The following UGP2 variants were observed in gnomAD, a reference collection of about 807,000 sequenced individuals.
UGP2 encodes the protein UTP--glucose-1-phosphate uridylyltransferase.
A neutral mutation model predicts 49.0 loss-of-function variants in UGP2; 40 were observed. That is an observed-to-expected ratio of 0.82 (90% confidence interval 0.63 to 1.06). The LOEUF (loss-of-function observed/expected upper bound fraction) is 1.06, where lower values mean the gene tolerates loss of function less well. Ranked by LOEUF, UGP2 falls within the 50% of genes least tolerant of loss-of-function variation. UGP2 has a pLI of 0.00. For missense variants in UGP2, 460 were observed against 603.5 expected (o/e 0.76, Z 2.49); for synonymous variants, 225 against 213.0 (o/e 1.06, Z -0.49).
intron 3 of UGP2, among the ~76,000 whole-genome samples, chr2:63,867,586 A>G (rs1157918239): frequency 3.3e-5 from 5 of 152,210 alleles, no homozygotes; most frequent in South Asian, 2.1e-4. Flanking sequence ...CACAGTAAAA[A>G]CAATGGAATT....
At chr2:63,876,608 T>C (rs1680666031) in intron 3 of UGP2, among the ~76,000 whole-genome samples, 1 of 152,350 alleles carries the variant, frequency 6.6e-6, no homozygotes, top group Admixed American at 6.5e-5. Flanking sequence ...GACAAGAAGG[T>C]ATTATTGAAA....
At chr2:63,856,644 A>G (rs1329704426) in intron 2 of UGP2, 4 of 587,300 alleles carry the variant, frequency 6.8e-6, no homozygotes, top group South Asian at 1.8e-5. Context: ...ATTTAAGCCT[A>G]GGAAGTTTTC....
chr2:63,873,296 T>G (rs1239629465), intron 3 of UGP2, among the ~76,000 whole-genome samples: 1 of 152,210 alleles, frequency 6.6e-6, no homozygotes, highest in African/African-American at 2.4e-5. Context: ...AGCATCAGCT[T>G]CTTATTCAAG....
In UGP2 at chr2:63,891,401, A is replaced by G; in HGVS notation, c.*174A>G. 2.3e-6 allele frequency: 1 copy of G among 434,838 alleles called. No individual in the cohort carries two copies. Among genetic ancestry groups the G allele is most frequent in the East Asian group, 3.7e-5 (1 of 27,322 alleles). 26.9% of individuals were successfully genotyped at this position (434,838 alleles called of 1,614,324 possible). On this transcript the variant is annotated 3_prime_UTR_variant, in exon 10 of 10. Coordinates refer to ENST00000337130, the MANE Select transcript of UGP2 (RefSeq NM_006759.4). ...GTCTAAGAAAAGCACAGATGGAGCAATACTTTCCTTCTTTGAAGAGAATCC... is the reference window on the plus strand; with the variant it reads ...GTCTAAGAAAAGCACAGATGGAGCAGTACTTTCCTTCTTTGAAGAGAATCC...
intron 1 of UGP2, among the ~76,000 whole-genome samples, chr2:63,854,262 G>T (rs1167714348): frequency 6.6e-6 from 1 of 152,160 alleles, no homozygotes; most frequent in Non-Finnish European, 1.5e-5. Flanking sequence ...TTTGACTAAG[G>T]TAATGAAATG....
Position 63,891,407 on chromosome 2 carries a change from T to C in UGP2, c.*180T>C. On this transcript the variant is annotated 3_prime_UTR_variant, in exon 10 of 10. Coordinates refer to ENST00000337130, the MANE Select transcript of UGP2 (RefSeq NM_006759.4). ...GAAAAGCACAGATGGAGCAATACTT[T>C]CCTTCTTTGAAGAGAATCCCAAAAG... The C allele has an allele frequency of 4.7e-6, 2 of 422,148 alleles. No homozygotes were observed. The highest frequency in any genetic ancestry group is 4.1e-6 in the Non-Finnish European group (1 of 243,060). 26.2% of individuals were successfully genotyped at this position (422,148 alleles called of 1,614,324 possible).
chr2:63,856,616 A>G (rs921476395), intron 2 of UGP2, 183 bp downstream of exon 2: 1 of 651,940 alleles, frequency 1.5e-6, no homozygotes, highest in African/African-American at 1.8e-5. Context: ...CCCTTTGTAA[A>G]TCCATTATCT....
At position 63,887,388 on chromosome 2, in the gene UGP2, C is replaced by T. The variant is rs759563009; in HGVS notation, c.1072-14C>T. On this transcript the variant is annotated splice_polypyrimidine_tract_variant and intron_variant, in intron 7 of 9. Transcript: ENST00000337130. Reference sequence around the variant, plus strand: ...AACCTCTGTTTTCTATTCCCCACCCCTAATTTCTTACAGACTTTGGATGGA... The same window carrying T: ...AACCTCTGTTTTCTATTCCCCACCCTTAATTTCTTACAGACTTTGGATGGA... 2 of 1,613,734 alleles carry T rather than the reference C, an allele frequency of 1.2e-6. No homozygotes were observed. Among genetic ancestry groups the T allele is most frequent in the Non-Finnish European group, 1.7e-6 (2 of 1,179,822 alleles).
At chr2:63,861,708 A>C (rs952981233) in intron 3 of UGP2, among the ~76,000 whole-genome samples, 31 of 151,832 alleles carry the variant, frequency 2.0e-4, no homozygotes, top group African/African-American at 7.5e-4. Context: ...AAAAAACAAA[A>C]AAACGACTTT....
intron 3 of UGP2, among the ~76,000 whole-genome samples, chr2:63,881,912 G>A (rs1029661255): frequency 2.0e-5 from 3 of 152,194 alleles, no homozygotes; most frequent in African/African-American, 7.2e-5. Flanking sequence ...ATACCTAGAA[G>A]TTTGACAAAA....
intron 1 of UGP2, among the ~76,000 whole-genome samples, chr2:63,843,717 A>T (rs1671738713): frequency 6.6e-6 from 1 of 152,154 alleles, no homozygotes; most frequent in African/African-American, 2.4e-5. Flanking sequence ...AACTTTTTAT[A>T]TTTTGGAATA....
intron 3 of UGP2, among the ~76,000 whole-genome samples, chr2:63,871,552 C>T (rs1336797444): frequency 6.6e-6 from 1 of 152,270 alleles, no homozygotes; most frequent in East Asian, 1.9e-4. Context: ...TCCCAGTGTG[C>T]TGGGATTACA....
In UGP2 at chr2:63,884,065, G is replaced by C; in HGVS notation, c.547G>C (p.Val183Leu). 6.2e-7 allele frequency: 1 copy of C among 1,612,660 alleles called. No individual in the cohort carries two copies. ...KILQKYNHCR[V>L]KIYTFNQSRY... ...ACTACAGAAGTACAATCATTGTCGT[G>C]TGAAAATCTACACTTTCAATCAAAG... Residue 183 changes from valine to leucine, a missense_variant, in exon 5 of 10, where the codon GTG (valine) becomes CTG (leucine). By Grantham distance (32) the Val-to-Leu change is conservative. This residue lies in a region of UGP2 where 317 missense variants were observed against 473.0 expected (regional missense o/e 0.67). Transcript: ENST00000337130.
chr2:63,884,216 A>C (rs376822626), intron 5 of UGP2, 123 bp downstream of exon 5: 3 of 1,166,696 alleles, frequency 2.6e-6, no homozygotes. Context: ...CAAGTGTTTG[A>C]TGCCCATAAA....
At chr2:63,842,500 C>G (rs965677011) in intron 1 of UGP2, 1 of 1,535,882 alleles carries the variant, frequency 6.5e-7, no homozygotes, top group Admixed American at 2.0e-5. Flanking sequence ...TTTTTGGCTG[C>G]TAATTAATCC....
At chr2:63,889,816 T>TA (rs1671957082) in intron 8 of UGP2, 19 of 261,648 alleles carry the variant, frequency 7.3e-5, no homozygotes, top group Non-Finnish European at 8.5e-5. Flanking sequence ...TTGATTATCT[T>TA]TAAAAAAAAA....
chr2:63,878,142 T>G (rs1275581842), intron 3 of UGP2, among the ~76,000 whole-genome samples: 1 of 152,104 alleles, frequency 6.6e-6, no homozygotes, highest in Non-Finnish European at 1.5e-5. Context: ...AGCATAATTT[T>G]GGGACTATTT....
chr2:63,881,770 C>T (rs949795626), intron 3 of UGP2, among the ~76,000 whole-genome samples: 1 of 152,158 alleles, frequency 6.6e-6, no homozygotes, highest in African/African-American at 2.4e-5. Flanking sequence ...TTTCTTCAGC[C>T]CCACCTCTTG....
chr2:63,887,581 A>G lies in UGP2; in HGVS notation c.1251A>G (p.Thr417=). ...ATAGTCTTAATGCAGGATCTCTGAC[A>G]ATGAGTGAAAAGCGGGAATTTCCTA... ...NLYSLNAGSL[T]MSEKREFPTV... Residue 417 remains threonine (T), a synonymous_variant, in exon 8 of 10, where the codon ACA becomes ACG. Transcript: ENST00000337130. 1 of 1,614,166 alleles carries G rather than the reference A, an allele frequency of 6.2e-7. No individual in the cohort carries two copies. Among genetic ancestry groups the G allele is most frequent in the Non-Finnish European group, 8.5e-7 (1 of 1,180,018 alleles).
Sources: allele counts gnomAD v4.1 joint callset (sites outside exome capture counted in the v4.1 genomes callset), GRCh38; gene constraint gnomAD v4.1.1; regional missense constraint gnomAD v4.1.1; transcripts MANE v1.5; gene names NCBI Gene and HGNC (gene_info 2026-07-23, HGNC 2026-07-21).